Variants in SLC9C2 observed in about 807,000 individuals in gnomAD.
The protein encoded by SLC9C2 is sodium/hydrogen exchanger 11.
In SLC9C2, 75 loss-of-function variants were observed where a neutral mutation model predicts 140.2. The observed-to-expected ratio is 0.53, with a 90% confidence interval of 0.44 to 0.65. The LOEUF (loss-of-function observed/expected upper bound fraction) is 0.65, where lower values mean the gene tolerates loss of function less well. SLC9C2 is among the 30% of genes least tolerant of loss of function. The probability of loss-of-function intolerance (pLI) is 0.00; values close to 1 mark genes in which losing one functional copy is unlikely to be tolerated. For synonymous variants in SLC9C2, 375 were observed against 420.9 expected, an observed-to-expected ratio of 0.89 and a Z score of 1.34; for missense variants, 1,074 against 1,331.8, an observed-to-expected ratio of 0.81 and a Z score of 3.01.
intron 3 of SLC9C2, among the ~76,000 whole-genome samples, chr1:173,599,429 C>CA (rs1666644813): frequency 1.7e-5 from 2 of 119,398 alleles, no homozygotes; most frequent in Non-Finnish European, 3.2e-5. Flanking sequence ...GGCCGGAGTG[C>CA]AGTGGCGCAA....
At chr1:173,532,535 C>A (rs1453357766) in intron 17 of SLC9C2, among the ~76,000 whole-genome samples, 7 of 152,148 alleles carry the variant, frequency 4.6e-5, no homozygotes, top group Non-Finnish European at 1.0e-4. Flanking sequence ...AAATTAAATT[C>A]CATAGGTAGT....
chr1:173,531,039 T>C (rs1051189753), intron 17 of SLC9C2, among the ~76,000 whole-genome samples: 4 of 152,174 alleles, frequency 2.6e-5, no homozygotes, highest in Admixed American at 6.5e-5. Context: ...AGATTGCCAG[T>C]ATTCTTTCAC....
intron 17 of SLC9C2, among the ~76,000 whole-genome samples, chr1:173,531,032 T>G (rs1571483916): frequency 6.6e-6 from 1 of 152,188 alleles, no homozygotes; most frequent in South Asian, 2.1e-4. Context: ...CACCTAAAGA[T>G]TGCCAGTATT....
intron 24 of SLC9C2, 76 bp downstream of exon 24, chr1:173,509,492 A>G: frequency 1.5e-6 from 2 of 1,346,642 alleles, no homozygotes; most frequent in Non-Finnish European, 2.0e-6. Flanking sequence ...TTTTGTCTCA[A>G]AAATATGAAA....
At chr1:173,573,427 A>G (rs1206216591) in intron 8 of SLC9C2, 102 bp from the exon 9 acceptor site, 4 of 860,816 alleles carry the variant, frequency 4.6e-6, no homozygotes, top group Admixed American at 7.1e-5. Flanking sequence ...ATGCTGTCTT[A>G]GCAGAGGCCC....
intron 2 of SLC9C2, 27 bp downstream of exon 2, chr1:173,601,623 A>G (rs1420583349): frequency 6.2e-7 from 1 of 1,610,334 alleles, no homozygotes; most frequent in Non-Finnish European, 8.5e-7. Context: ...GGCAGAGGAA[A>G]GATGAGTTTC....
chr1:173,509,694 G>A lies in SLC9C2; in HGVS notation c.2913C>T (p.Cys971=). The change falls in exon 24 of 28, where the codon TGC becomes TGT. Residue 971 remains cysteine, a synonymous_variant. Transcript: ENST00000367714. ...CATATAAATCCTCCAGGGAGATAAAGCAGGCCTGAAACAAAAAGGAACCAG... is the reference window on the plus strand; with the variant it reads ...CATATAAATCCTCCAGGGAGATAAAACAGGCCTGAAACAAAAAGGAACCAG... ...TVICETSLQA[C]FISLEDLYEG... 6.3e-7 allele frequency: 1 copy of A among 1,586,830 alleles called. No homozygotes were observed. Among genetic ancestry groups the A allele is most frequent in the Non-Finnish European group, 8.5e-7 (1 of 1,172,692 alleles).
At chr1:173,575,629 T>A (rs1665126616) in intron 8 of SLC9C2, among the ~76,000 whole-genome samples, 1 of 152,222 alleles carries the variant, frequency 6.6e-6, no homozygotes, top group African/African-American at 2.4e-5. Context: ...CAGGCTGGAG[T>A]GCAGTGGTGC....
At chr1:173,594,910 T>G (rs1252405795) in intron 4 of SLC9C2, among the ~76,000 whole-genome samples, 2 of 152,172 alleles carry the variant, frequency 1.3e-5, no homozygotes, top group African/African-American at 4.8e-5. Flanking sequence ...TTTTTTGTTT[T>G]TGTTTTTGAG....
intron 17 of SLC9C2, among the ~76,000 whole-genome samples, chr1:173,531,831 A>G (rs1661599495): frequency 6.6e-6 from 1 of 152,196 alleles, no homozygotes; most frequent in Non-Finnish European, 1.5e-5. Flanking sequence ...TAAAATAATT[A>G]TTTTATATTT....
chr1:173,545,066 C>A (rs1441775000), intron 13 of SLC9C2, among the ~76,000 whole-genome samples: 2 of 152,088 alleles, frequency 1.3e-5, no homozygotes, highest in Non-Finnish European at 2.9e-5. Context: ...GCTTCCAAAT[C>A]AAATCAAGGG....
chr1:173,601,396 T>C (rs1571653079), intron 2 of SLC9C2, among the ~76,000 whole-genome samples: 1 of 152,234 alleles, frequency 6.6e-6, no homozygotes, highest in African/African-American at 2.4e-5. Flanking sequence ...ATCTCTCCCA[T>C]GAGAGGGCTT....
At position 173,557,369 on chromosome 1, in the gene SLC9C2, C is replaced by T. The variant is rs141463661; in HGVS notation, c.1186G>A (p.Ala396Thr). 105 of 1,612,892 alleles carry T rather than the reference C, an allele frequency of 6.5e-5. No individual in the cohort carries two copies. The African/African-American group carries it at 1.0e-3, about 15-fold the overall frequency. Reference protein sequence around the residue: ...LLWAPDVYNLAERKVEVPQMF... With the variant: ...LLWAPDVYNLTERKVEVPQMF... ...TGTGGTACTTCCACTTTTCGTTCAG[C>T]GAGATTATAAACATCAGGAGCCCAG... Residue 396 changes from alanine to threonine, a missense_variant, in exon 10 of 28, where the codon GCT becomes ACT. Transcript: ENST00000367714.
In SLC9C2 at chr1:173,601,683, T is replaced by C. The variant is rs368550445; in HGVS notation, c.94A>G (p.Thr32Ala). 5.0e-6 allele frequency: 8 copies of C among 1,613,986 alleles called. No homozygotes were observed. Among genetic ancestry groups the C allele is most frequent in the Non-Finnish European group, 6.8e-6 (8 of 1,179,966 alleles). Residue 32 changes from threonine to alanine, a missense_variant, in exon 2 of 28, where the codon ACA (threonine) becomes GCA (alanine). Thr to Ala is a moderately conservative substitution (Grantham distance 58). Coordinates refer to ENST00000367714, the MANE Select transcript of SLC9C2 (RefSeq NM_178527.4). The stretch of plus-strand genomic sequence containing the variant: ...ACAACAATGAAGCATACAAGCGTTG[T>C]GAAATGTTTCTCTTCAACAAGGTAG... Reference protein sequence around the residue: ...ADYLVEEKHFTTLVCFIVVLG... With the variant: ...ADYLVEEKHFATLVCFIVVLG...
intron 13 of SLC9C2, among the ~76,000 whole-genome samples, chr1:173,543,450 T>C (rs969411412): frequency 6.6e-6 from 1 of 152,056 alleles, no homozygotes; most frequent in Admixed American, 6.6e-5. Flanking sequence ...TATAGATTCA[T>C]TGCCATCCCC....
chr1:173,575,558 G>T (rs544859477), intron 8 of SLC9C2, among the ~76,000 whole-genome samples: 12 of 151,976 alleles, frequency 7.9e-5, no homozygotes, highest in Middle Eastern at 3.4e-3. Context: ...CATGTTTTTT[G>T]TTGTTGTTGT....
chr1:173,537,883 G>A (rs749115756), intron 13 of SLC9C2, among the ~76,000 whole-genome samples: 8 of 152,074 alleles, frequency 5.3e-5, no homozygotes, highest in African/African-American at 1.2e-4. Flanking sequence ...AGAGGTTAGC[G>A]TTACCTCCTG....
rs1314611289 is a variant in SLC9C2 at position 173,600,171 on chromosome 1, C to T, written c.174G>A (p.Thr58=). The change falls in exon 3 of 28, where the codon ACG becomes ACA. Residue 58 remains threonine, a synonymous_variant. Coordinates refer to ENST00000367714, the MANE Select transcript of SLC9C2 (RefSeq NM_178527.4). The stretch of plus-strand genomic sequence containing the variant: ...TCACGAATCCTGATAGAGAAAGAAT[C>T]GTCAAAACAATGACTTCACAATTCT... ...CLKNCEVIVL[T]ILSLSGFVIG... 2.5e-6 allele frequency: 4 copies of T among 1,612,140 alleles called. No homozygotes were observed. The highest frequency in any genetic ancestry group is 1.7e-4 in the Middle Eastern group (1 of 6,054).
chr1:173,581,805 T>G, intron 7 of SLC9C2, 42 bp downstream of exon 7: 1 of 1,444,384 alleles, frequency 6.9e-7, no homozygotes, highest in Non-Finnish European at 9.2e-7. Flanking sequence ...TGTATAAAAC[T>G]TACTTTAAGG....
Sources: allele counts gnomAD v4.1 joint callset (sites outside exome capture counted in the v4.1 genomes callset), GRCh38; gene constraint gnomAD v4.1.1; transcripts MANE v1.5; gene names NCBI Gene and HGNC (gene_info 2026-07-23, HGNC 2026-07-21).